SENP7: variants seen among roughly 807,000 people sequenced by gnomAD.
SENP7 encodes the protein SUMO specific peptidase 7.
A neutral mutation model predicts 141.2 loss-of-function variants in SENP7; 64 were observed. That is an observed-to-expected ratio of 0.45 (90% CI 0.37 to 0.56). The LOEUF is 0.56. Ranked by LOEUF, SENP7 falls within the 20% of genes least tolerant of loss-of-function variation. The pLI, the probability that SENP7 is intolerant of heterozygous loss-of-function variation, is 0.00. For missense variants in SENP7, 1,025 were observed against 1,212.2 expected (o/e 0.85, Z 2.29); for synonymous variants, 382 against 426.4 (o/e 0.90, Z 1.28).
intron 6 of SENP7, among the ~76,000 whole-genome samples, chr3:101,397,406 TATAGGCATGAGCCACTTGATAGATAC>T (rs2061001893): frequency 6.6e-6 from 1 of 152,228 alleles, no homozygotes; most frequent in Admixed American, 6.5e-5. Context: ...GGGCTAGGAT[TATAGGCATGAGCCACTTGATAGATAC>T]ATAGGCATGA....
At chr3:101,403,775 A>G (rs1441569819) in intron 5 of SENP7, among the ~76,000 whole-genome samples, 1 of 152,214 alleles carries the variant, frequency 6.6e-6, no homozygotes. Context: ...CTATATACCA[A>G]CAACAGCCAA....
intron 19 of SENP7, 81 bp from the exon 20 acceptor site, chr3:101,330,467 T>C: frequency 1.1e-6 from 1 of 892,984 alleles, no homozygotes; most frequent in Admixed American, 2.3e-5. Flanking sequence ...AAAATTATAA[T>C]TTTTATGCAG....
intron 1 of SENP7, among the ~76,000 whole-genome samples, chr3:101,502,339 A>C (rs2065417412): frequency 6.6e-6 from 1 of 152,178 alleles, no homozygotes; most frequent in African/African-American, 2.4e-5. Context: ...AGTTTCACTC[A>C]TTGCCCAGGC....
chr3:101,508,962 T>C (rs2065739886), intron 1 of SENP7, among the ~76,000 whole-genome samples: 1 of 152,162 alleles, frequency 6.6e-6, no homozygotes, highest in South Asian at 2.1e-4. Flanking sequence ...ATTACCTTAT[T>C]TCATTTTAGA....
intron 2 of SENP7, among the ~76,000 whole-genome samples, chr3:101,498,690 A>G (rs1559914391): frequency 6.6e-6 from 1 of 152,232 alleles, no homozygotes; most frequent in Non-Finnish European, 1.5e-5. Context: ...TGATGTCTAT[A>G]GTTTAAAGCA....
At chr3:101,456,786 A>G (rs1267642260) in intron 4 of SENP7, among the ~76,000 whole-genome samples, 1 of 152,074 alleles carries the variant, frequency 6.6e-6, no homozygotes, top group Non-Finnish European at 1.5e-5. Context: ...TATTTTTTAA[A>G]TTTTACTTTT....
intron 4 of SENP7, among the ~76,000 whole-genome samples, chr3:101,419,289 C>G (rs897182618): frequency 1.3e-5 from 2 of 152,146 alleles, no homozygotes; most frequent in Admixed American, 1.3e-4. Flanking sequence ...GGCAGTTAGG[C>G]AGGACTTAGC....
chr3:101,442,874 A>G (rs958112114), intron 4 of SENP7, among the ~76,000 whole-genome samples: 1 of 152,202 alleles, frequency 6.6e-6, no homozygotes, highest in African/African-American at 2.4e-5. Flanking sequence ...TAAAGCCAAC[A>G]GGACACATGC....
At chr3:101,377,308 T>C (rs2060364397) in intron 6 of SENP7, among the ~76,000 whole-genome samples, 1 of 151,922 alleles carries the variant, frequency 6.6e-6, no homozygotes, top group Non-Finnish European at 1.5e-5. Context: ...GCCCCCAAAA[T>C]GGGAGAAAGA....
At chr3:101,467,993 G>C (rs752840343) in intron 3 of SENP7, among the ~76,000 whole-genome samples, 9 of 152,124 alleles carry the variant, frequency 5.9e-5, no homozygotes, top group Non-Finnish European at 8.8e-5. Context: ...CTAGAATAAA[G>C]AGTGTAGAGA....
At position 101,501,110 on chromosome 3, in the gene SENP7, G is replaced by C. The variant is rs1043273278; in HGVS notation, c.50C>G (p.Thr17Arg). ...GRRPSSSEII[T>R]EGKRKKSSSD... The stretch of plus-strand genomic sequence containing the variant: ...AGATGACTTTTTCCTTTTTCCTTCT[G>C]TGATGATTTCTACAAAAACCAAAGA... The change falls in exon 2 of 24, where the codon ACA becomes AGA. Residue 17 changes from threonine (T) to arginine (R), a missense_variant. By Grantham distance (71) the Thr-to-Arg change is moderately conservative. Transcript: ENST00000394095. 21 of 1,606,262 alleles carry C rather than the reference G, an allele frequency of 1.3e-5. No homozygotes were observed. The highest frequency in any genetic ancestry group is 1.7e-5 in the Non-Finnish European group (20 of 1,175,658).
At chr3:101,346,878 C>T (rs996231566) in intron 13 of SENP7, among the ~76,000 whole-genome samples, 1 of 150,874 alleles carries the variant, frequency 6.6e-6, no homozygotes, top group African/African-American at 2.4e-5. Context: ...AATCAAATAC[C>T]ACCGGTTTCC....
chr3:101,415,483 GA>G (rs1345352045), intron 5 of SENP7, among the ~76,000 whole-genome samples: 3 of 151,888 alleles, frequency 2.0e-5, no homozygotes, highest in Non-Finnish European at 4.4e-5. Flanking sequence ...ATCTAGGAAT[GA>G]ACAGTAAAAG....
chr3:101,411,851 G>A (rs7638284), intron 5 of SENP7, among the ~76,000 whole-genome samples: 14,034 of 152,066 alleles, frequency 0.092, 745 homozygotes, highest in African/African-American at 0.14. Context: ...ATCCCACTTC[G>A]AAATATCATA....
chr3:101,463,382 T>TATATATATAC (rs2063637704), intron 3 of SENP7, among the ~76,000 whole-genome samples: 1 of 89,926 alleles, frequency 1.1e-5, no homozygotes, highest in African/African-American at 5.1e-5. Context: ...TATATATATA[T>TATATATATAC]ATATATATAT....
At chr3:101,366,081 A>G (rs928060079) in intron 9 of SENP7, among the ~76,000 whole-genome samples, 1 of 152,244 alleles carries the variant, frequency 6.6e-6, no homozygotes, top group Non-Finnish European at 1.5e-5. Context: ...AATGAAAATT[A>G]ATGATAATAA....
At chr3:101,376,649 G>A (rs1344183118) in intron 6 of SENP7, among the ~76,000 whole-genome samples, 1 of 151,908 alleles carries the variant, frequency 6.6e-6, no homozygotes, top group African/African-American at 2.4e-5. Context: ...TGGGGGGAGC[G>A]GGGAGGGATA....
chr3:101,493,884 G>A lies in SENP7; in HGVS notation c.175C>T (p.Leu59Phe). ...SKFRSSERWT[L>F]PLQWERSLRN... is the part of the protein sequence containing the mutation. ...ATTTTATTTACCACCTGCAAAGGGA[G>A]AGTCCAGCGTTCTGAGCTTCTGAAT... The change falls in exon 3 of 24, where the codon CTC becomes TTC. Residue 59 changes from leucine to phenylalanine, a missense_variant. This residue lies in a region of SENP7 where 496 missense variants were observed against 503.5 expected (regional missense o/e 0.99). Coordinates refer to ENST00000394095, the MANE Select transcript of SENP7 (RefSeq NM_020654.5). The A allele has an allele frequency of 1.3e-6, 2 of 1,587,636 alleles. No homozygotes were observed. The highest frequency in any genetic ancestry group is 1.7e-6 in the Non-Finnish European group (2 of 1,160,386).
intron 4 of SENP7, among the ~76,000 whole-genome samples, chr3:101,426,408 T>C (rs1407803573): frequency 6.6e-6 from 1 of 152,136 alleles, no homozygotes; most frequent in Non-Finnish European, 1.5e-5. Context: ...TATTCAATGT[T>C]CTTAAAGAAA....
Sources: allele counts gnomAD v4.1 joint callset (sites outside exome capture counted in the v4.1 genomes callset), GRCh38; gene constraint gnomAD v4.1.1; regional missense constraint gnomAD v4.1.1; transcripts MANE v1.5; gene names NCBI Gene and HGNC (gene_info 2026-07-23, HGNC 2026-07-21).